The following MTOR variants were observed in gnomAD, a reference collection of about 807,000 sequenced individuals.
The protein encoded by MTOR is mechanistic target of rapamycin kinase, also known as serine/threonine-protein kinase mTOR.
Under a neutral mutation model 319.8 loss-of-function variants are expected in MTOR, and 70 were observed. That is an observed-to-expected ratio of 0.22 (90% CI 0.18 to 0.27). MTOR has a LOEUF of 0.27. Among genes scored for constraint, MTOR ranks in the 10% least tolerant of loss-of-function variants. The pLI is 1.00. For missense variants in MTOR, 1,890 were observed against 3,274.4 expected (o/e 0.58, Z 10.32); for synonymous variants, 1,183 against 1,211.4 (o/e 0.98, Z 0.49).
chr1:11,152,157 C>T (rs559729173), intron 30 of MTOR, among the ~76,000 whole-genome samples: 9 of 152,228 alleles, frequency 5.9e-5, no homozygotes, highest in African/African-American at 9.6e-5. Flanking sequence ...CAGAATATAC[C>T]GAGTCCTACC....
At chr1:11,189,483 G>C (rs1052363660) in intron 28 of MTOR, 2 of 1,404,894 alleles carry the variant, frequency 1.4e-6, no homozygotes, top group African/African-American at 1.4e-5. Flanking sequence ...GAGTGAAAGC[G>C]TAAGGTTCAG....
chr1:11,114,030 CCAT>C (rs1480329963), intron 53 of MTOR, among the ~76,000 whole-genome samples: 2 of 152,122 alleles, frequency 1.3e-5, no homozygotes, highest in African/African-American at 4.8e-5. Context: ...TCCCCTCCCA[CCAT>C]GATTGTAAGT....
At chr1:11,108,360 ACTGT>A in intron 56 of MTOR, 74 bp from the exon 57 acceptor site, 1 of 1,146,346 alleles carries the variant, frequency 8.7e-7, no homozygotes, top group South Asian at 1.3e-5. Context: ...TGTGGGCTTA[ACTGT>A]CTATGCCAAC....
At chr1:11,193,424 AGT>A (rs1450764333) in intron 28 of MTOR, among the ~76,000 whole-genome samples, 5 of 152,152 alleles carry the variant, frequency 3.3e-5, no homozygotes, top group South Asian at 4.1e-4. Context: ...GCTCACCAGC[AGT>A]GGGGCAGCAT....
At chr1:11,168,759 T>TG (rs1557797641) in intron 28 of MTOR, among the ~76,000 whole-genome samples, 1 of 152,228 alleles carries the variant, frequency 6.6e-6, no homozygotes, top group Non-Finnish European at 1.5e-5. Context: ...CTGCAGTTGG[T>TG]TCATCAGAGG....
chr1:11,203,566 C>T (rs895528168), intron 26 of MTOR, among the ~76,000 whole-genome samples: 3 of 152,004 alleles, frequency 2.0e-5, no homozygotes, highest in Non-Finnish European at 4.4e-5. Context: ...CCCAGCTACA[C>T]GGGAGGCTGA....
At chr1:11,192,311 C>T (rs572517061) in intron 28 of MTOR, 44 of 1,614,008 alleles carry the variant, frequency 2.7e-5, no homozygotes, top group South Asian at 8.8e-5. Flanking sequence ...GAAGAACTAC[C>T]GCATCTCTGG....
intron 26 of MTOR, among the ~76,000 whole-genome samples, chr1:11,201,886 A>C (rs1645980839): frequency 6.6e-6 from 1 of 152,192 alleles, no homozygotes; most frequent in Non-Finnish European, 1.5e-5. Flanking sequence ...GGCTCTCTGC[A>C]GCCTCTAAAC....
chr1:11,243,687 C>CA (rs796569153), intron 8 of MTOR, among the ~76,000 whole-genome samples: 1,665 of 85,310 alleles, frequency 0.02, 23 homozygotes, highest in African/African-American at 0.053. Context: ...GAGCCTGTCT[C>CA]AAAAAAAAAA....
intron 53 of MTOR, 87 bp from the exon 54 acceptor site, chr1:11,113,004 T>A: frequency 7.3e-7 from 1 of 1,373,916 alleles, no homozygotes; most frequent in Non-Finnish European, 1.0e-6. Flanking sequence ...CATAAAAATA[T>A]AATTGTTCGT....
rs1297754046 is a variant in MTOR at position 11,115,510 on chromosome 1, A to T, written c.7017-42T>A. 1.3e-6 allele frequency: 2 copies of T among 1,582,590 alleles called. No individual in the cohort carries two copies. The highest frequency in any genetic ancestry group is 2.7e-5 in the African/African-American group (2 of 74,298). On this transcript the variant is annotated intron_variant, in intron 50 of 57. Transcript: ENST00000361445. The surrounding 1 kb of genome is among the most constrained non-coding windows in gnomAD (Gnocchi z 4.5). ...ACAGATCAGGGAGGGATCAACAGAG[A>T]TAACGGATGAAAAAATCAATAAGTA...
chr1:11,239,007 C>G (rs1647615969), intron 11 of MTOR, among the ~76,000 whole-genome samples: 1 of 151,748 alleles, frequency 6.6e-6, no homozygotes. Flanking sequence ...ATCTCCTGAC[C>G]TTGTGATCCG....
rs117257852 is a variant in MTOR at position 11,173,708 on chromosome 1, C to G, written c.4254-6191G>C. Among the ~76,000 whole-genome samples, 1,233 of 152,288 alleles carry G rather than the reference C, an allele frequency of 8.1e-3. 46 individuals are homozygous for G. The highest frequency in any genetic ancestry group is 0.064 in the Admixed American group (977 of 15,296). Reference sequence around the variant, plus strand: ...TTTCCTACAGGACTTTCTCCCTAAGCTACATTTCTCTTATTTCCTTCTGAG... The same window carrying G: ...TTTCCTACAGGACTTTCTCCCTAAGGTACATTTCTCTTATTTCCTTCTGAG... On this transcript the variant is annotated intron_variant, in intron 28 of 57. Coordinates refer to ENST00000361445, the MANE Select transcript of MTOR (RefSeq NM_004958.4).
At chr1:11,169,667 T>C (rs2100618873) in intron 28 of MTOR, among the ~76,000 whole-genome samples, 1 of 152,384 alleles carries the variant, frequency 6.6e-6, no homozygotes, top group South Asian at 2.1e-4. Flanking sequence ...ATAAGCTGTG[T>C]GATCATAAAT....
rs1388736066 is a variant in MTOR at position 11,167,496 on chromosome 1, C to T, written c.4275G>A (p.Gln1425=). The change falls in exon 29 of 58, where the codon CAG becomes CAA. Residue 1425 remains glutamine, a synonymous_variant. Coordinates refer to ENST00000361445, the MANE Select transcript of MTOR (RefSeq NM_004958.4). ...SLISINNKLQ[Q]PEAAAGVLEY... is the part of the protein sequence containing the mutation. ...CTAACACTCCGGCCGCTGCCTCCGGCTGCTGTAGCTTATTATTAATGCTGA... is the reference window on the plus strand; with the variant it reads ...CTAACACTCCGGCCGCTGCCTCCGGTTGCTGTAGCTTATTATTAATGCTGA... 6.2e-7 allele frequency: 1 copy of T among 1,612,768 alleles called. No individual in the cohort carries two copies. Among genetic ancestry groups the T allele is most frequent in the Admixed American group, 1.7e-5 (1 of 60,012 alleles).
At chr1:11,202,655 A>G (rs984941918) in intron 26 of MTOR, among the ~76,000 whole-genome samples, 2 of 151,984 alleles carry the variant, frequency 1.3e-5, no homozygotes, top group Admixed American at 6.6e-5. Context: ...ACTCATGCCT[A>G]TAAATCACGG....
At position 11,121,165 on chromosome 1, in the gene MTOR, G is replaced by A. The variant is rs1302883324; in HGVS notation, c.6933+81C>T. 1.3e-6 allele frequency: 2 copies of A among 1,576,482 alleles called. No homozygotes were observed. Among genetic ancestry groups the A allele is most frequent in the Non-Finnish European group, 1.7e-6 (2 of 1,163,726 alleles). Reference sequence around the variant, plus strand: ...TCACAGCAAAGAAGAGCCGCTGTGTGCACATGAACAGATGGGAGGGCCATC... The same window carrying A: ...TCACAGCAAAGAAGAGCCGCTGTGTACACATGAACAGATGGGAGGGCCATC... On this transcript the variant is annotated intron_variant, in intron 49 of 57. Coordinates refer to ENST00000361445, the MANE Select transcript of MTOR (RefSeq NM_004958.4). The surrounding 1 kb of genome is among the most constrained non-coding windows in gnomAD (Gnocchi z 4.9).
intron 53 of MTOR, among the ~76,000 whole-genome samples, chr1:11,113,388 A>G (rs1226677364): frequency 6.6e-6 from 1 of 152,186 alleles, no homozygotes. Context: ...TTTCTGTTTT[A>G]GTTAATAAAA....
intron 28 of MTOR, among the ~76,000 whole-genome samples, chr1:11,198,152 T>C (rs1020823729): frequency 6.6e-6 from 1 of 152,192 alleles, no homozygotes; most frequent in African/African-American, 2.4e-5. Context: ...CTATGAGCTA[T>C]CAAGTGACAG....
Sources: allele counts gnomAD v4.1 joint callset (sites outside exome capture counted in the v4.1 genomes callset), GRCh38; gene constraint gnomAD v4.1.1; non-coding constraint Gnocchi (gnomAD v3.1); transcripts MANE v1.5; gene names NCBI Gene and HGNC (gene_info 2026-07-23, HGNC 2026-07-21).